ARHGEF9: variants seen among roughly 807,000 people sequenced by gnomAD.
ARHGEF9 encodes the protein Cdc42 guanine nucleotide exchange factor 9.
Under a neutral mutation model 41.3 loss-of-function variants are expected in ARHGEF9, and 2 were observed. That is an observed-to-expected ratio of 0.05 (90% CI 0.02 to 0.15). The LOEUF is 0.15. Among genes scored for constraint, ARHGEF9 ranks in the 10% least tolerant of loss-of-function variants. ARHGEF9 has a pLI of 1.00. For synonymous variants in ARHGEF9, 160 were observed against 154.4 expected (o/e 1.04, Z -0.27); for missense variants, 225 against 424.7 (o/e 0.53, Z 4.13).
intron 1 of ARHGEF9, among the ~76,000 whole-genome samples, chrX:63,781,284 T>C (rs1242796017): frequency 1.8e-5 from 2 of 112,166 alleles, no homozygotes; most frequent in African/African-American, 6.5e-5. Flanking sequence ...CCATTCTAGA[T>C]ATTACAGATA....
intron 8 of ARHGEF9, among the ~76,000 whole-genome samples, chrX:63,646,838 A>G (rs1317140659): frequency 6.3e-5 from 7 of 111,535 alleles, no homozygotes; most frequent in African/African-American, 9.8e-5. Context: ...CCATTTTCAC[A>G]ATATTGATTC....
At chrX:63,701,705 A>G (rs1305674921) in intron 3 of ARHGEF9, 1 of 112,112 alleles carries the variant, frequency 8.9e-6, no homozygotes, top group Admixed American at 9.5e-5. Context: ...TGCAACATGG[A>G]AAGTTGACAA....
At chrX:63,715,450 A>G (rs782240959) in intron 2 of ARHGEF9, among the ~76,000 whole-genome samples, 2 of 111,802 alleles carry the variant, frequency 1.8e-5, no homozygotes, top group East Asian at 5.6e-4. Flanking sequence ...GAAAAGAAAA[A>G]AAAAAAACAC....
intron 8 of ARHGEF9, among the ~76,000 whole-genome samples, chrX:63,645,135 C>A (rs1556311533): frequency 9.1e-6 from 1 of 110,314 alleles, no homozygotes; most frequent in Admixed American, 9.7e-5. Context: ...TATAAAATAT[C>A]TAAAAATAAA....
At chrX:63,695,982 A>G (rs1556387645) in intron 4 of ARHGEF9, among the ~76,000 whole-genome samples, 1 of 111,625 alleles carries the variant, frequency 9.0e-6, no homozygotes, top group Admixed American at 9.5e-5. Context: ...GACTCCTGAA[A>G]GCTTGTGCCT....
intron 7 of ARHGEF9, among the ~76,000 whole-genome samples, chrX:63,663,444 C>T (rs2147254939): frequency 9.0e-6 from 1 of 111,033 alleles, no homozygotes; most frequent in South Asian, 3.9e-4. Flanking sequence ...ATGAGATCAT[C>T]AGAAAGCTTA....
At chrX:63,674,190 G>A (rs375190507) in intron 5 of ARHGEF9, 23 bp from the exon 6 acceptor site, 29 of 1,206,653 alleles carry the variant, frequency 2.4e-5, no homozygotes, top group Non-Finnish European at 3.1e-5. Flanking sequence ...AAGAGTGCAA[G>A]TTGAACCAAC....
rs2047338717 is a variant in ARHGEF9, at chrX:63,636,941, C to A, written c.*1087G>T. On this transcript the variant is annotated 3_prime_UTR_variant, in exon 10 of 10. Transcript: ENST00000671741. Reference sequence around the variant, plus strand: ...ATCTGTAAATGGGAGCAGGGACAACCAGGACACTGAACTGATTGCTGTAGA... The same window carrying A: ...ATCTGTAAATGGGAGCAGGGACAACAAGGACACTGAACTGATTGCTGTAGA... 1.4e-5 allele frequency: 4 copies of A among 295,315 alleles called. No individual in the cohort carries two copies. Among genetic ancestry groups the A allele is most frequent in the Admixed American group, 1.2e-4 (2 of 16,147 alleles). The allele number at this position is 295,315 out of a possible 1,213,427, so 24.3% of individuals were successfully genotyped here. A position where few individuals can be genotyped will look rare whatever the true frequency, so the allele number is the denominator to read the frequency against.
intron 8 of ARHGEF9, among the ~76,000 whole-genome samples, chrX:63,654,487 C>G (rs1407799771): frequency 8.9e-6 from 1 of 111,804 alleles, no homozygotes; most frequent in African/African-American, 3.2e-5. Context: ...CAGTCTGATT[C>G]CAATGAGACT....
chrX:63,756,916 T>G (rs1342505916), intron 1 of ARHGEF9, among the ~76,000 whole-genome samples: 2 of 111,679 alleles, frequency 1.8e-5, no homozygotes, highest in Admixed American at 1.9e-4. Flanking sequence ...AACTGAAACC[T>G]CTTGTGAATA....
chrX:63,745,093 C>T (rs1211691465), intron 1 of ARHGEF9, among the ~76,000 whole-genome samples: 1 of 92,261 alleles, frequency 1.1e-5, no homozygotes, highest in Non-Finnish European at 2.1e-5. Context: ...GTAGCTACTG[C>T]CTTTAGGCAC....
At chrX:63,650,208 C>G (rs1321470582) in intron 8 of ARHGEF9, among the ~76,000 whole-genome samples, 1 of 111,016 alleles carries the variant, frequency 9.0e-6, no homozygotes, top group African/African-American at 3.3e-5. Flanking sequence ...TATCAATATA[C>G]CGAGGAAATA....
chrX:63,749,757 T>C (rs1164108082), intron 1 of ARHGEF9, among the ~76,000 whole-genome samples: 1 of 112,467 alleles, frequency 8.9e-6, no homozygotes, highest in Admixed American at 9.4e-5. Flanking sequence ...GCCCGTGCAC[T>C]GATAAGGAGT....
In ARHGEF9 at chrX:63,648,010, A is replaced by G. The variant is rs1163646535; in HGVS notation, c.1322-3962T>C. ...GAAAGTGACAGGGAGAACGGAACCA[A>G]GTTGGAAAACACTCTGCAGGATAGT... On this transcript the variant is annotated intron_variant, in intron 8 of 9. Coordinates refer to ENST00000671741, the MANE Select transcript of ARHGEF9 (RefSeq NM_001353921.2). Among the ~76,000 whole-genome samples, 6 of 111,741 alleles carry G rather than the reference A, an allele frequency of 5.4e-5. No individual in the cohort carries two copies. The East Asian group carries it at 1.7e-3, about 31-fold the overall frequency.
chrX:63,711,337 A>T (rs2052918980), intron 2 of ARHGEF9, among the ~76,000 whole-genome samples: 1 of 111,718 alleles, frequency 9.0e-6, no homozygotes, highest in Non-Finnish European at 1.9e-5. Context: ...CAAGGGACCT[A>T]GGATAACCAA....
At chrX:63,693,916 C>T (rs368497615) in intron 4 of ARHGEF9, among the ~76,000 whole-genome samples, 15 of 110,281 alleles carry the variant, frequency 1.4e-4, no homozygotes, top group African/African-American at 3.0e-4. Context: ...CGATGGCTCA[C>T]GCTTATAATC....
chrX:63,644,700 CATA>C (rs2047880725), intron 8 of ARHGEF9, among the ~76,000 whole-genome samples: 1 of 109,300 alleles, frequency 9.1e-6, no homozygotes, highest in Non-Finnish European at 1.9e-5. Flanking sequence ...AAACAGACAT[CATA>C]ATATTACTAG....
chrX:63,715,955 G>A (rs1188705419), intron 2 of ARHGEF9: 1 of 111,949 alleles, frequency 8.9e-6, no homozygotes, highest in East Asian at 2.8e-4. Context: ...TAAAATGATT[G>A]AAATGGGGAA....
chrX:63,724,982 C>A, intron 1 of ARHGEF9: 1 of 344,533 alleles, frequency 2.9e-6, no homozygotes, highest in Non-Finnish European at 5.0e-6. Flanking sequence ...TGAACTTCTC[C>A]TGTGCAGAAC....
Sources: gnomAD v4.1 joint callset for allele counts (sites outside exome capture counted in the v4.1 genomes callset) on GRCh38, gnomAD v4.1.1 for gene constraint, MANE v1.5 for transcripts, NCBI Gene and HGNC (gene_info 2026-07-23, HGNC 2026-07-21) for gene names.